Variants in PRELID2 observed in about 807,000 individuals in gnomAD.
PRELID2 encodes the protein PRELI domain containing 2, also known as PRELI domain-containing protein 2.
A neutral mutation model predicts 28.4 loss-of-function variants in PRELID2; 25 were observed. The ratio of observed to expected loss-of-function variants is 0.88; its 90% CI spans 0.64 to 1.23. The LOEUF (loss-of-function observed/expected upper bound fraction) is 1.23, where lower values mean the gene tolerates loss of function less well. PRELID2 is among the 50% of genes most tolerant of loss of function. PRELID2 has a pLI of 0.00. For synonymous variants in PRELID2, 76 were observed against 71.6 expected, an observed-to-expected ratio of 1.06 and a Z score of -0.31; for missense variants, 201 against 214.4, an observed-to-expected ratio of 0.94 and a Z score of 0.39.
chr5:145,702,344 T>C (rs1464307982), intron 1 of PRELID2, among the ~76,000 whole-genome samples: 1 of 152,260 alleles, frequency 6.6e-6, no homozygotes, highest in East Asian at 1.9e-4. Flanking sequence ...GGTAGAATCA[T>C]GCACAGAGAA....
chr5:145,492,145 T>C (rs1414785510), intron 1 of PRELID2, among the ~76,000 whole-genome samples: 1 of 152,230 alleles, frequency 6.6e-6, no homozygotes, highest in Non-Finnish European at 1.5e-5. Flanking sequence ...TAATTTACAT[T>C]GCCACCAACA....
At chr5:145,571,715 T>G (rs1753016415) in intron 1 of PRELID2, among the ~76,000 whole-genome samples, 1 of 152,008 alleles carries the variant, frequency 6.6e-6, no homozygotes, top group African/African-American at 2.4e-5. Flanking sequence ...GGTGCGGTGG[T>G]TCACGCCTCT....
intron 1 of PRELID2, among the ~76,000 whole-genome samples, chr5:145,690,349 C>T (rs550866993): frequency 1.3e-5 from 2 of 152,254 alleles, no homozygotes; most frequent in African/African-American, 4.8e-5. Context: ...TTCAGTTTAG[C>T]AGTGGAATAT....
chr5:145,435,614 G>A, the PRELID2 span, among the ~76,000 whole-genome samples: 1 of 152,172 alleles, frequency 6.6e-6, no homozygotes, highest in Admixed American at 6.5e-5. Context: ...ATTTTCAACA[G>A]TCAATGACTT....
chr5:145,275,356 T>C, the PRELID2 span, among the ~76,000 whole-genome samples: 1 of 151,958 alleles, frequency 6.6e-6, no homozygotes, highest in Non-Finnish European at 1.5e-5. Flanking sequence ...CTGTGAGACA[T>C]ACTGCAAAGA....
At chr5:145,831,928 C>T (rs1180338879) in intron 1 of PRELID2, among the ~76,000 whole-genome samples, 3 of 152,158 alleles carry the variant, frequency 2.0e-5, no homozygotes, top group African/African-American at 7.2e-5. Context: ...ACACAGCACA[C>T]AAAAATCAAC....
At chr5:145,602,761 T>C (rs1753414924) in intron 1 of PRELID2, among the ~76,000 whole-genome samples, 1 of 151,920 alleles carries the variant, frequency 6.6e-6, no homozygotes, top group South Asian at 2.1e-4. Flanking sequence ...GAAAACAGAA[T>C]CAATGAACTG....
At chr5:145,497,516 C>A (rs2126631168) in intron 1 of PRELID2, among the ~76,000 whole-genome samples, 1 of 152,138 alleles carries the variant, frequency 6.6e-6, no homozygotes, top group African/African-American at 2.4e-5. Flanking sequence ...GAATAATGAT[C>A]AAAATGTTTA....
chr5:145,592,602 A>T (rs1753247783), intron 1 of PRELID2, among the ~76,000 whole-genome samples: 2 of 152,148 alleles, frequency 1.3e-5, no homozygotes, highest in African/African-American at 4.8e-5. Flanking sequence ...TATTTACATC[A>T]TTGCTTATAT....
chr5:145,491,680 A>G (rs1752270716), intron 1 of PRELID2, among the ~76,000 whole-genome samples: 1 of 152,086 alleles, frequency 6.6e-6, no homozygotes, highest in Non-Finnish European at 1.5e-5. Flanking sequence ...ATTTTGTATC[A>G]TTTGACAAAT....
intron 1 of PRELID2, among the ~76,000 whole-genome samples, chr5:145,631,425 C>A (rs1753930520): frequency 6.6e-6 from 1 of 152,178 alleles, no homozygotes; most frequent in South Asian, 2.1e-4. Flanking sequence ...GTCCTCCAAC[C>A]TACCTGATCC....
chr5:145,777,978 C>T (rs548595725), intron 5 of PRELID2, among the ~76,000 whole-genome samples: 10 of 152,232 alleles, frequency 6.6e-5, no homozygotes, highest in South Asian at 2.1e-4. Flanking sequence ...GGTTCCTGGA[C>T]GGAAGGGAGC....
chr5:145,676,497 C>G (rs760402297), intron 1 of PRELID2, among the ~76,000 whole-genome samples: 2 of 152,180 alleles, frequency 1.3e-5, no homozygotes, highest in Admixed American at 6.5e-5. Flanking sequence ...CAAGGCCACA[C>G]CACTGCACTC....
rs1462311034 is a variant in PRELID2, at chr5:145,725,264, G to C, written n.70+39667C>G. Among the ~76,000 whole-genome samples, 3 of 152,124 alleles carry C rather than the reference G, an allele frequency of 2.0e-5. No individual in the cohort carries two copies. The East Asian group carries it at 5.8e-4, about 29-fold the overall frequency. ...AGGTGCTCAGAATCATCGTTAATTT[G>C]ATAAATTCACATTTAAAAAACAATG... is the stretch of plus-strand genomic sequence containing the variant. On this transcript the variant is annotated intron_variant and non_coding_transcript_variant, in intron 1 of 2. Transcript: ENST00000510259.
At chr5:145,308,472 T>A in the PRELID2 span, among the ~76,000 whole-genome samples, 1 of 152,348 alleles carries the variant, frequency 6.6e-6, no homozygotes, top group African/African-American at 2.4e-5. Context: ...GAATTTCTTC[T>A]GACTATACTG....
chr5:145,676,825 AC>A (rs2149686401), intron 1 of PRELID2, among the ~76,000 whole-genome samples: 1 of 152,306 alleles, frequency 6.6e-6, no homozygotes, highest in Non-Finnish European at 1.5e-5. Flanking sequence ...ACTTTTAATA[AC>A]ACCACAGGAA....
At chr5:145,566,338 C>T (rs932592188) in intron 1 of PRELID2, among the ~76,000 whole-genome samples, 4 of 152,156 alleles carry the variant, frequency 2.6e-5, no homozygotes, top group Non-Finnish European at 5.9e-5. Context: ...TCTTCCAACG[C>T]CATCAAGAGT....
chr5:145,241,694 C>T, the PRELID2 span, among the ~76,000 whole-genome samples: 1 of 151,856 alleles, frequency 6.6e-6, no homozygotes, highest in Non-Finnish European at 1.5e-5. Flanking sequence ...TGTATATTAT[C>T]CCACATCTTT....
At chr5:145,685,896 T>C (rs1325159372) in intron 1 of PRELID2, among the ~76,000 whole-genome samples, 2 of 152,152 alleles carry the variant, frequency 1.3e-5, no homozygotes, top group East Asian at 3.9e-4. Flanking sequence ...GTGAGGAATC[T>C]CCTCCAAGAT....
Sources: gnomAD v4.1 joint callset for allele counts (sites outside exome capture counted in the v4.1 genomes callset) on GRCh38, gnomAD v4.1.1 for gene constraint, MANE v1.5 for transcripts, NCBI Gene and HGNC (gene_info 2026-07-23, HGNC 2026-07-21) for gene names.